The following NAGK variants were observed in gnomAD, a reference collection of about 807,000 sequenced individuals.
NAGK encodes the protein N-acetylglucosamine kinase, also known as N-acetyl-D-glucosamine kinase.
In NAGK, 35 loss-of-function variants were observed where a neutral mutation model predicts 42.9. The observed-to-expected ratio is 0.82, with a 90% CI of 0.62 to 1.08. NAGK has a LOEUF of 1.08. Among genes scored for constraint, NAGK ranks in the 50% least tolerant of loss-of-function variants. The pLI is 0.00. For synonymous variants in NAGK, 172 were observed against 176.0 expected, an observed-to-expected ratio of 0.98 and a Z score of 0.18; for missense variants, 446 against 446.0, an observed-to-expected ratio of 1.00 and a Z score of 0.00.
At chr2:71,077,739 C>T in intron 9 of NAGK, 103 bp downstream of exon 9, 1 of 1,299,006 alleles carries the variant, frequency 7.7e-7, no homozygotes, top group Non-Finnish European at 1.1e-6. Context: ...CTTCCTGGAC[C>T]CTGAGGCCTA....
chr2:71,070,552 T>A lies in NAGK; in HGVS notation c.80T>A (p.Leu27Gln), dbSNP rs1671963091. ...VLLVSEDGKI[L>Q]AEADGLSTNH... Reference sequence around the variant, plus strand: ...TTAGTCTCAGAGGATGGGAAGATCCTGGCAGAAGCAGATGGACTGAGCACA... The same window carrying A: ...TTAGTCTCAGAGGATGGGAAGATCCAGGCAGAAGCAGATGGACTGAGCACA... Residue 27 changes from leucine to glutamine, a missense_variant, in exon 2 of 10, where the codon CTG becomes CAG. Physicochemically the swap from Leu to Gln is moderately radical, Grantham distance 113. Coordinates refer to ENST00000244204, the MANE Select transcript of NAGK (RefSeq NM_017567.6). The A allele has an allele frequency of 1.2e-6, 2 of 1,614,130 alleles. No individual in the cohort carries two copies. The highest frequency in any genetic ancestry group is 1.7e-6 in the Non-Finnish European group (2 of 1,179,994).
intron 6 of NAGK, among the ~76,000 whole-genome samples, chr2:71,074,154 G>A (rs10179421): frequency 0.053 from 8,053 of 152,228 alleles, 618 homozygotes; most frequent in African/African-American, 0.17. Flanking sequence ...GGTAAAAGGC[G>A]GGAGAGAAGG....
intron 9 of NAGK, 116 bp from the exon 10 acceptor site, chr2:71,078,202 T>G (rs1289053874): frequency 9.8e-7 from 1 of 1,024,584 alleles, no homozygotes; most frequent in Non-Finnish European, 1.5e-6. Flanking sequence ...TGTAGGCCCC[T>G]CCAGCATCTC....
chr2:71,072,756 G>A lies in NAGK; in HGVS notation c.466+5G>A. The A allele has an allele frequency of 6.2e-7, 1 of 1,611,178 alleles. No homozygotes were observed. Among genetic ancestry groups the A allele is most frequent in the South Asian group, 1.1e-5 (1 of 90,890 alleles). Reference sequence around the variant, plus strand: ...TGATGGGTGATGAGGGTTCAGGTGAGCTCACTGACTGGCCCAGCTCCAGGT... The same window carrying A: ...TGATGGGTGATGAGGGTTCAGGTGAACTCACTGACTGGCCCAGCTCCAGGT... On this transcript the variant is annotated splice_donor_5th_base_variant and intron_variant, in intron 5 of 9. Coordinates refer to ENST00000244204, the MANE Select transcript of NAGK (RefSeq NM_017567.6).
chr2:71,075,382 G>A (rs1432137980), intron 6 of NAGK, 173 bp from the exon 7 acceptor site: 1 of 584,814 alleles, frequency 1.7e-6, no homozygotes, highest in Non-Finnish European at 3.1e-6. Context: ...TCCATGTTAG[G>A]GAACACAGAT....
rs750343317 is a variant in NAGK, at chr2:71,071,753, G to T, written c.281G>T (p.Arg94Leu). 1 of 1,614,162 alleles carries T rather than the reference G, an allele frequency of 6.2e-7. No homozygotes were observed. The highest frequency in any genetic ancestry group is 8.5e-7 in the Non-Finnish European group (1 of 1,180,036). Residue 94 changes from arginine to leucine, a missense_variant, in exon 4 of 10, where the codon CGA (arginine) becomes CTA (leucine). Transcript: ENST00000244204. ...GRILIEELRD[R>L]FPYLSESYLI... is the part of the protein sequence containing the mutation. ...ATCCTGATCGAGGAGCTGAGGGACC[G>T]ATTTCCCTACCTGAGTGAAAGCTAC...
At chr2:71,068,908 A>T in intron 1 of NAGK, 196 bp downstream of exon 1, 1 of 1,303,090 alleles carries the variant, frequency 7.7e-7, no homozygotes, top group Non-Finnish European at 9.7e-7. Flanking sequence ...CTGCCTGTGC[A>T]ACAGCCACAC....
intron 7 of NAGK, chr2:71,076,063 C>G (rs1256130454): frequency 5.0e-6 from 1 of 201,226 alleles, no homozygotes; most frequent in Non-Finnish European, 1.0e-5. Context: ...ATTGCTCTTT[C>G]TCCACTGTGA....
At chr2:71,070,615 G>T in intron 2 of NAGK, 29 bp downstream of exon 2, 1 of 1,607,826 alleles carries the variant, frequency 6.2e-7, no homozygotes, top group Non-Finnish European at 8.5e-7. Context: ...GGATCAGAGG[G>T]CTTGGTTCTG....
chr2:71,076,291 C>G, intron 7 of NAGK: 1 of 244,320 alleles, frequency 4.1e-6, no homozygotes, highest in Non-Finnish European at 8.1e-6. Context: ...AACAGACTTA[C>G]AGTAACTCAG....
At position 71,079,653 on chromosome 2, in the gene NAGK, G is replaced by C. The variant is rs541920894; in HGVS notation, c.*1145G>C. The C allele has an allele frequency of 6.6e-6, 1 of 152,156 alleles. No homozygotes were observed. Among genetic ancestry groups the C allele is most frequent in the African/African-American group, 2.4e-5 (1 of 41,412 alleles). The allele number at this position is 152,156 out of a possible 1,614,324, so 9.4% of individuals were successfully genotyped here. On this transcript the variant is annotated 3_prime_UTR_variant, in exon 10 of 10. Transcript: ENST00000244204. ...AAAAATTAACCGGGCGTGGTGTCGC[G>C]CGCCTGTAGTCCCAGCTACTGGGGA...
rs144807367 is a variant in NAGK, at chr2:71,078,330, C to T, written c.857C>T (p.Ala286Val). The T allele has an allele frequency of 1.9e-4, 308 of 1,614,086 alleles. 2 individuals carry two copies. The East Asian group carries it at 6.1e-3, about 32-fold the overall frequency. ...TTCTTCCCTCCAGGTTTTCTTCTGG[C>T]GCTGACCCAGGGCAGAGAGATCCAG... ...WELLKEGFLLALTQGREIQAQ... is the reference protein window; with the variant it reads ...WELLKEGFLLVLTQGREIQAQ... Residue 286 changes from alanine (A) to valine (V), a missense_variant, in exon 10 of 10, where the codon GCG becomes GTG. Transcript: ENST00000244204.
intron 4 of NAGK, 70 bp downstream of exon 4, chr2:71,071,897 CA>C: frequency 1.3e-6 from 2 of 1,570,536 alleles, no homozygotes; most frequent in South Asian, 1.1e-5. Flanking sequence ...ATATAGCTGA[CA>C]AAACTTGTTC....
intron 6 of NAGK, among the ~76,000 whole-genome samples, chr2:71,073,890 T>C (rs916068319): frequency 1.3e-5 from 2 of 152,028 alleles, no homozygotes; most frequent in African/African-American, 2.4e-5. Flanking sequence ...GTGAAAGAGA[T>C]GGCATTCTAG....
rs1247160606 is a variant in NAGK, at chr2:71,072,431, C to T, written c.356-210C>T. On this transcript the variant is annotated intron_variant, in intron 4 of 9. Transcript: ENST00000244204. ...CAGGCTTGCATTTCTCTTTGTCCCC[C>T]TAGACGAGGGCGTTATGGGATTAGA... 5.7e-6 allele frequency: 3 copies of T among 529,716 alleles called. No homozygotes were observed. In the Admixed American group the frequency reaches 9.5e-5, roughly 17 times the overall value. 32.8% of individuals were successfully genotyped at this position (529,716 alleles called of 1,614,324 possible).
chr2:71,075,889 G>A, intron 7 of NAGK: 1 of 526,966 alleles, frequency 1.9e-6, no homozygotes, highest in Non-Finnish European at 3.4e-6. Flanking sequence ...TGCTTAGGCT[G>A]TATGCCTGTT....
intron 1 of NAGK, 29 bp downstream of exon 1, chr2:71,068,741 G>A (rs1418542918): frequency 2.1e-6 from 3 of 1,447,060 alleles, no homozygotes; most frequent in Non-Finnish European, 2.7e-6. Flanking sequence ...AGGGAGCCTG[G>A]GCCCGAAGGC....
chr2:71,073,153 G>A, intron 5 of NAGK: 1 of 476,264 alleles, frequency 2.1e-6, no homozygotes, highest in Non-Finnish European at 3.9e-6. Flanking sequence ...TTTCATAGGG[G>A]CCCTTGAGGT....
At chr2:71,071,955 T>A in intron 4 of NAGK, 128 bp downstream of exon 4, 1 of 1,242,602 alleles carries the variant, frequency 8.0e-7, no homozygotes. Context: ...CTCAACTCTT[T>A]AAGTAGTTTA....
Sources: gnomAD v4.1 joint callset for allele counts (sites outside exome capture counted in the v4.1 genomes callset) on GRCh38, gnomAD v4.1.1 for gene constraint, MANE v1.5 for transcripts, NCBI Gene and HGNC (gene_info 2026-07-23, HGNC 2026-07-21) for gene names.